Variants in RNF150 observed in about 807,000 individuals in gnomAD.
The protein encoded by RNF150 is ring finger protein 150.
Under a neutral mutation model 39.3 loss-of-function variants are expected in RNF150, and 24 were observed. The observed-to-expected ratio is 0.61, with a 90% CI of 0.44 to 0.86. The LOEUF is 0.86. Among genes scored for constraint, RNF150 ranks in the 40% least tolerant of loss-of-function variants. The probability of loss-of-function intolerance (pLI) is 0.00; values close to 1 mark genes in which losing one functional copy is unlikely to be tolerated. For missense variants in RNF150, 502 were observed against 587.8 expected (o/e 0.85, Z 1.51); for synonymous variants, 255 against 227.3 (o/e 1.12, Z -1.10).
intron 4 of RNF150, among the ~76,000 whole-genome samples, chr4:140,928,237 A>T (rs1300527927): frequency 6.6e-6 from 1 of 152,242 alleles, no homozygotes; most frequent in Non-Finnish European, 1.5e-5. Context: ...TAAGTACTAC[A>T]TTAGAATAAA....
intron 1 of RNF150, among the ~76,000 whole-genome samples, chr4:141,211,138 G>A (rs1274683022): frequency 1.3e-5 from 2 of 152,046 alleles, no homozygotes; most frequent in Non-Finnish European, 2.9e-5. Flanking sequence ...TAGGTTTTCA[G>A]TTACATATAT....
chr4:141,203,076 T>TACAC (rs1553954894), intron 1 of RNF150, among the ~76,000 whole-genome samples: 7 of 133,030 alleles, frequency 5.3e-5, no homozygotes, highest in Non-Finnish European at 7.9e-5. Flanking sequence ...TATATATATA[T>TACAC]ACACACATAT....
intron 1 of RNF150, among the ~76,000 whole-genome samples, chr4:141,006,424 T>G (rs143868908): frequency 0.012 from 1,871 of 152,246 alleles, 21 homozygotes; most frequent in Middle Eastern, 0.037. Context: ...GTAAAATTGA[T>G]CAACAAGATC....
chr4:141,025,160 C>T (rs1387762779), intron 1 of RNF150, among the ~76,000 whole-genome samples: 2 of 151,900 alleles, frequency 1.3e-5, no homozygotes, highest in Non-Finnish European at 2.9e-5. Flanking sequence ...TATCATAGAG[C>T]CTATAAAATA....
intron 1 of RNF150, among the ~76,000 whole-genome samples, chr4:141,036,030 C>G (rs2110841394): frequency 6.6e-6 from 1 of 152,214 alleles, no homozygotes; most frequent in Middle Eastern, 3.4e-3. Context: ...TTGAGAACCA[C>G]AGTGGAAAGC....
At chr4:141,119,228 T>C (rs1726532778) in intron 1 of RNF150, among the ~76,000 whole-genome samples, 1 of 152,256 alleles carries the variant, frequency 6.6e-6, no homozygotes, top group South Asian at 2.1e-4. Context: ...TTACTGGTCA[T>C]TTGCCGTTTG....
intron 1 of RNF150, among the ~76,000 whole-genome samples, chr4:141,196,882 G>T (rs1171555116): frequency 1.3e-5 from 2 of 152,180 alleles, no homozygotes; most frequent in Admixed American, 1.3e-4. Flanking sequence ...ACAAGTTCCA[G>T]AAAGGTGGCC....
chr4:141,043,436 C>T (rs560306171), intron 1 of RNF150, among the ~76,000 whole-genome samples: 3 of 152,048 alleles, frequency 2.0e-5, no homozygotes, highest in African/African-American at 7.2e-5. Context: ...TGCAAAATGG[C>T]TGAGCAAAAA....
chr4:141,160,746 G>C (rs1265749366), intron 1 of RNF150, among the ~76,000 whole-genome samples: 2 of 152,142 alleles, frequency 1.3e-5, no homozygotes, highest in African/African-American at 2.4e-5. Context: ...ACTTCTTCCT[G>C]CTCTAGCTAA....
chr4:141,007,581 A>T lies in RNF150; in HGVS notation c.485-39708T>A, dbSNP rs201227449. Among the ~76,000 whole-genome samples, 23 of 152,304 alleles carry T rather than the reference A, an allele frequency of 1.5e-4. No individual in the cohort carries two copies. The East Asian group carries it at 4.4e-3, about 29-fold the overall frequency. On this transcript the variant is annotated intron_variant, in intron 1 of 6. Transcript: ENST00000515673. ...GTCTGATTTATTCTTCGTGTACTTA[A>T]ATTATTTTACTTTAGAAGATAAAAT...
chr4:141,010,539 A>C lies in RNF150; in HGVS notation c.485-42666T>G, dbSNP rs114491405. 3.8e-3 allele frequency among the ~76,000 whole-genome samples: 586 copies of C among 152,338 alleles called. 3 individuals carry two copies. Among genetic ancestry groups the C allele is most frequent in the Admixed American group, 6.1e-3 (94 of 15,302 alleles). On this transcript the variant is annotated intron_variant, in intron 1 of 6. Coordinates refer to ENST00000515673, the MANE Select transcript of RNF150 (RefSeq NM_020724.2). ...TTTATCAGGTATACTTTAAGGTAAC[A>C]AACTGCTAAATACTTTCTATCTTCT...
chr4:140,937,082 G>A (rs1419868578), intron 4 of RNF150, among the ~76,000 whole-genome samples: 1 of 152,002 alleles, frequency 6.6e-6, no homozygotes, highest in Non-Finnish European at 1.5e-5. Context: ...AATCTAGTAA[G>A]TTCACTTTAG....
rs1340209281 is a variant in RNF150 at position 140,862,263 on chromosome 4, TATC to T, written c.*5995_*5997del. ...TTAATAGACGTGTATATTTTTGTCT[TATC>T]ATCAGCAAATATTTATCAGGTGGCC... On this transcript the variant is annotated 3_prime_UTR_variant, in exon 7 of 7. Coordinates refer to ENST00000515673, the MANE Select transcript of RNF150 (RefSeq NM_020724.2). The T allele has an allele frequency of 2.0e-5, 3 of 152,210 alleles. No homozygotes were observed. The highest frequency in any genetic ancestry group is 4.4e-5 in the Non-Finnish European group (3 of 68,038). 9.4% of individuals were successfully genotyped at this position (152,210 alleles called of 1,614,324 possible).
At chr4:141,152,886 G>A (rs563735897) in intron 1 of RNF150, among the ~76,000 whole-genome samples, 1 of 152,014 alleles carries the variant, frequency 6.6e-6, no homozygotes, top group Non-Finnish European at 1.5e-5. Flanking sequence ...GAATATGCAG[G>A]TTTTTTACAT....
At chr4:141,058,297 A>C (rs1433186699) in intron 1 of RNF150, among the ~76,000 whole-genome samples, 2 of 152,022 alleles carry the variant, frequency 1.3e-5, no homozygotes, top group Non-Finnish European at 2.9e-5. Flanking sequence ...GATGAAGAGG[A>C]GTGGGGAGGG....
intron 1 of RNF150, among the ~76,000 whole-genome samples, chr4:141,094,316 A>G (rs1367082720): frequency 1.3e-5 from 2 of 152,250 alleles, no homozygotes; most frequent in African/African-American, 4.8e-5. Flanking sequence ...GCCAGAGAAA[A>G]AAATCGTACT....
At chr4:140,876,456 C>T (rs4956335) in intron 6 of RNF150, among the ~76,000 whole-genome samples, 20,562 of 152,194 alleles carry the variant, frequency 0.14, 1,680 homozygotes, top group East Asian at 0.38. Context: ...TAAACTACTT[C>T]CCACTTGGTT....
At chr4:141,042,951 C>A (rs1356182420) in intron 1 of RNF150, among the ~76,000 whole-genome samples, 2 of 152,030 alleles carry the variant, frequency 1.3e-5, no homozygotes, top group Non-Finnish European at 2.9e-5. Flanking sequence ...GTAAAAACTG[C>A]AATTACTTTT....
chr4:141,128,359 C>T (rs1415708871), intron 1 of RNF150, among the ~76,000 whole-genome samples: 1 of 152,180 alleles, frequency 6.6e-6, no homozygotes, highest in African/African-American at 2.4e-5. Flanking sequence ...GGTTAACTTG[C>T]ACAAAGATAC....
Sources: gnomAD v4.1 joint callset for allele counts (sites outside exome capture counted in the v4.1 genomes callset) on GRCh38, gnomAD v4.1.1 for gene constraint, MANE v1.5 for transcripts, NCBI Gene and HGNC (gene_info 2026-07-23, HGNC 2026-07-21) for gene names.